Variants in PLSCR2 observed in about 807,000 individuals in gnomAD.
PLSCR2 encodes PL scramblase 2.
Under a neutral mutation model 25.3 loss-of-function variants are expected in PLSCR2, and 18 were observed. That is an observed-to-expected ratio of 0.71 (90% confidence interval 0.49 to 1.06). The LOEUF is 1.06. Among genes scored for constraint, PLSCR2 ranks in the 50% least tolerant of loss-of-function variants. PLSCR2 has a pLI of 0.00. For missense variants in PLSCR2, 243 were observed against 269.5 expected, an observed-to-expected ratio of 0.90 and a Z score of 0.69; for synonymous variants, 88 against 87.3, an observed-to-expected ratio of 1.01 and a Z score of -0.04.
intron 1 of PLSCR2, among the ~76,000 whole-genome samples, chr3:146,480,905 C>T (rs2043107127): frequency 6.6e-6 from 1 of 152,100 alleles, no homozygotes; most frequent in South Asian, 2.1e-4. Flanking sequence ...CAGCTTCATA[C>T]CTGGGATGCA....
intron 1 of PLSCR2, among the ~76,000 whole-genome samples, chr3:146,492,756 G>A (rs2043596594): frequency 1.3e-5 from 2 of 151,552 alleles, no homozygotes; most frequent in African/African-American, 4.8e-5. Flanking sequence ...AAAAGAAGAG[G>A]AAACCAACCC....
chr3:146,489,116 T>C (rs569542789), intron 1 of PLSCR2, among the ~76,000 whole-genome samples: 25 of 151,860 alleles, frequency 1.6e-4, no homozygotes, highest in Non-Finnish European at 3.4e-4. Flanking sequence ...AGCTCAACAA[T>C]GAGAGCACAT....
chr3:146,399,332 G>A (rs1028743755), intron 2 of PLSCR2, among the ~76,000 whole-genome samples: 3 of 151,592 alleles, frequency 2.0e-5, no homozygotes, highest in African/African-American at 7.3e-5. Flanking sequence ...CCATATAATG[G>A]GTTATTATGC....
At chr3:146,466,750 G>A (rs1013736800) in intron 1 of PLSCR2, among the ~76,000 whole-genome samples, 4 of 152,082 alleles carry the variant, frequency 2.6e-5, no homozygotes, top group Non-Finnish European at 4.4e-5. Flanking sequence ...ACTTAATGCT[G>A]TACAGCTCAG....
chr3:146,452,683 G>C (rs1043407607), intron 5 of PLSCR2, among the ~76,000 whole-genome samples: 11 of 152,094 alleles, frequency 7.2e-5, no homozygotes, highest in African/African-American at 2.6e-4. Flanking sequence ...TAAATTTTTA[G>C]TATTAAGAAT....
At chr3:146,454,314 AT>A in intron 4 of PLSCR2, 151 bp from the exon 5 acceptor site, 1 of 516,402 alleles carries the variant, frequency 1.9e-6, no homozygotes, top group Non-Finnish European at 3.3e-6. Flanking sequence ...AAGGTAAAGT[AT>A]TTTAATGTGC....
At chr3:146,413,048 A>G (rs1041076590) in intron 2 of PLSCR2, among the ~76,000 whole-genome samples, 2 of 152,216 alleles carry the variant, frequency 1.3e-5, no homozygotes, top group Admixed American at 6.5e-5. Flanking sequence ...AGCTGAACAT[A>G]CTAACATACT....
In PLSCR2 at chr3:146,455,307, G is replaced by A. The variant is rs774226194; in HGVS notation, c.253C>T (p.Arg85Ter). 4.9e-5 allele frequency: 79 copies of A among 1,613,792 alleles called. No individual in the cohort carries two copies. The highest frequency in any genetic ancestry group is 6.4e-5 in the Non-Finnish European group (75 of 1,179,908). Reference sequence around the variant, plus strand: ...GGTCTTTCCAGAGTTATGACTTCTCGACCCACATTATCAGTAATCCTCAAG... The same window carrying A: ...GGTCTTTCCAGAGTTATGACTTCTCAACCCACATTATCAGTAATCCTCAAG... Residue 85 changes from arginine (R) to a stop codon, truncating the protein, a stop_gained, in exon 4 of 7, where the codon CGA becomes TGA. Coordinates refer to ENST00000610787, the Ensembl canonical transcript of PLSCR2. LOFTEE classifies it high-confidence loss of function.
At chr3:146,405,580 T>G (rs1296019370) in intron 2 of PLSCR2, among the ~76,000 whole-genome samples, 3 of 152,186 alleles carry the variant, frequency 2.0e-5, no homozygotes, top group African/African-American at 7.2e-5. Flanking sequence ...CTGGTGTTTT[T>G]GGGGAATCAA....
intron 2 of PLSCR2, among the ~76,000 whole-genome samples, chr3:146,405,286 C>T (rs576455547): frequency 5.8e-4 from 89 of 152,210 alleles, no homozygotes; most frequent in African/African-American, 2.0e-3. Flanking sequence ...GTGATAGACT[C>T]GGGGCTTTGG....
At chr3:146,400,106 G>C (rs982532420) in intron 2 of PLSCR2, among the ~76,000 whole-genome samples, 2 of 151,786 alleles carry the variant, frequency 1.3e-5, no homozygotes, top group Admixed American at 6.6e-5. Flanking sequence ...ATGTTTCTGA[G>C]ATTTCCAGAA....
chr3:146,483,043 G>A (rs778324884), intron 1 of PLSCR2, among the ~76,000 whole-genome samples: 28 of 151,918 alleles, frequency 1.8e-4, no homozygotes, highest in Non-Finnish European at 3.5e-4. Flanking sequence ...AGAAATAAAG[G>A]GTATTCCAGT....
intron 3 of PLSCR2, among the ~76,000 whole-genome samples, chr3:146,392,623 T>C (rs1401356133): frequency 7.9e-6 from 1 of 127,026 alleles, no homozygotes; most frequent in Non-Finnish European, 1.7e-5. Flanking sequence ...TTATTTTCCT[T>C]ATTTCCTATA....
chr3:146,393,375 A>G (rs2038162089), intron 3 of PLSCR2, among the ~76,000 whole-genome samples: 1 of 151,884 alleles, frequency 6.6e-6, no homozygotes. Flanking sequence ...TTAACCTCTA[A>G]TTGAGTGTTG....
chr3:146,421,302 TA>T (rs1224780701), intron 2 of PLSCR2, among the ~76,000 whole-genome samples: 42 of 152,136 alleles, frequency 2.8e-4, no homozygotes, highest in Non-Finnish European at 2.9e-5. Context: ...TATAATATAC[TA>T]AACCCAGAAA....
At chr3:146,492,606 A>G (rs1252408300) in intron 1 of PLSCR2, among the ~76,000 whole-genome samples, 2 of 152,152 alleles carry the variant, frequency 1.3e-5, no homozygotes, top group Non-Finnish European at 2.9e-5. Context: ...AATGAAAACA[A>G]AGATAAAACA....
upstream of PLSCR2, among the ~76,000 whole-genome samples, chr3:146,462,724 C>T (rs1305810180): frequency 2.0e-5 from 3 of 152,110 alleles, no homozygotes; most frequent in African/African-American, 7.2e-5. Context: ...TGCGGCCTCC[C>T]AAAGTGCTGG....
At chr3:146,403,784 AG>A (rs1342732190) in intron 2 of PLSCR2, among the ~76,000 whole-genome samples, 3 of 152,236 alleles carry the variant, frequency 2.0e-5, no homozygotes, top group Admixed American at 6.5e-5. Context: ...TCCAAAGCTG[AG>A]GGGCTGGCAT....
chr3:146,427,680 T>G (rs1296919865), intron 2 of PLSCR2, among the ~76,000 whole-genome samples: 1 of 152,180 alleles, frequency 6.6e-6, no homozygotes, highest in Non-Finnish European at 1.5e-5. Flanking sequence ...TCTGTCTTAG[T>G]TTAAAAGTCA....
Sources: gnomAD v4.1 joint callset for allele counts (sites outside exome capture counted in the v4.1 genomes callset) on GRCh38, gnomAD v4.1.1 for gene constraint, MANE v1.5 for transcripts, NCBI Gene and HGNC (gene_info 2026-07-23, HGNC 2026-07-21) for gene names.